Variants in TEAD4 observed in about 807,000 individuals in gnomAD.
The protein encoded by TEAD4 is TEA domain transcription factor 4, also known as transcriptional enhancer factor TEF-3.
In TEAD4, 36 loss-of-function variants were observed where a neutral mutation model predicts 52.4. That is an observed-to-expected ratio of 0.69 (90% confidence interval 0.53 to 0.91). The LOEUF is 0.91. Among genes scored for constraint, TEAD4 ranks in the 40% least tolerant of loss-of-function variants. The probability of loss-of-function intolerance (pLI) is 0.00; values close to 1 mark genes in which losing one functional copy is unlikely to be tolerated. For synonymous variants in TEAD4, 220 were observed against 231.0 expected (o/e 0.95, Z 0.43); for missense variants, 508 against 583.9 (o/e 0.87, Z 1.34).
chr12:2,978,126 C>T (rs375914822), intron 2 of TEAD4, among the ~76,000 whole-genome samples: 6 of 152,114 alleles, frequency 3.9e-5, no homozygotes, highest in African/African-American at 1.2e-4. Flanking sequence ...TCCTGTATTT[C>T]GGGCCCAGGT....
At chr12:2,961,206 C>T (rs1223603729) in intron 2 of TEAD4, among the ~76,000 whole-genome samples, 1 of 152,032 alleles carries the variant, frequency 6.6e-6, no homozygotes, top group Non-Finnish European at 1.5e-5. Context: ...GGAGGTATAC[C>T]AGCCTGAACT....
At position 3,021,862 on chromosome 12, in the gene TEAD4, G is replaced by C; in HGVS notation, c.742G>C (p.Val248Leu). ...TCCACAGTACAACAAGCACCTGTTCGTGCACATTGGCCAGTCCAGCCCAAG... is the reference window on the plus strand; with the variant it reads ...TCCACAGTACAACAAGCACCTGTTCCTGCACATTGGCCAGTCCAGCCCAAG... The change falls in exon 10 of 13, where the codon GTG (valine) becomes CTG (leucine). Residue 248 changes from valine (V) to leucine (L), a missense_variant. By Grantham distance (32) the Val-to-Leu change is conservative (BLOSUM62 1). Transcript: ENST00000359864. 6.2e-7 allele frequency: 1 copy of C among 1,614,170 alleles called. No homozygotes were observed. Among genetic ancestry groups the C allele is most frequent in the Non-Finnish European group, 8.5e-7 (1 of 1,180,020 alleles).
At chr12:3,026,792 G>A (rs1281753659) in intron 10 of TEAD4, among the ~76,000 whole-genome samples, 1 of 152,120 alleles carries the variant, frequency 6.6e-6, no homozygotes, top group Non-Finnish European at 1.5e-5. Flanking sequence ...ACAGTTAAGG[G>A]TGAATTAGAT....
intron 3 of TEAD4, among the ~76,000 whole-genome samples, chr12:3,001,708 C>T (rs1022029191): frequency 6.6e-6 from 1 of 150,974 alleles, no homozygotes; most frequent in Non-Finnish European, 1.5e-5. Context: ...ACCCGGGAGG[C>T]GGAGGTTTCA....
At chr12:2,997,126 T>C (rs1236201835) in intron 3 of TEAD4, among the ~76,000 whole-genome samples, 1 of 152,184 alleles carries the variant, frequency 6.6e-6, no homozygotes, top group African/African-American at 2.4e-5. Context: ...TTGTGGCTCA[T>C]GAGCATGCCT....
At chr12:2,964,019 G>A (rs930771463) in intron 2 of TEAD4, among the ~76,000 whole-genome samples, 7 of 152,092 alleles carry the variant, frequency 4.6e-5, no homozygotes, top group African/African-American at 1.4e-4. Flanking sequence ...CTGGGGGATG[G>A]GATTGCATAT....
At chr12:2,965,878 C>T (rs1465301981) in intron 2 of TEAD4, among the ~76,000 whole-genome samples, 2 of 152,008 alleles carry the variant, frequency 1.3e-5, no homozygotes, top group South Asian at 2.1e-4. Flanking sequence ...TTATTATTAT[C>T]GTAGACAGTG....
intron 3 of TEAD4, among the ~76,000 whole-genome samples, chr12:3,009,166 G>A (rs553909660): frequency 5.9e-5 from 9 of 152,346 alleles, no homozygotes; most frequent in African/African-American, 1.9e-4. Context: ...AGTGGCTCAC[G>A]CCTGTAATCC....
intron 2 of TEAD4, among the ~76,000 whole-genome samples, chr12:2,985,352 T>G (rs1328611994): frequency 2.0e-5 from 3 of 151,350 alleles, no homozygotes; most frequent in African/African-American, 7.3e-5. Flanking sequence ...GCCACTGTAC[T>G]CCAGCCTGGG....
chr12:3,022,613 G>T (rs1195128258), intron 10 of TEAD4, among the ~76,000 whole-genome samples: 1 of 152,192 alleles, frequency 6.6e-6, no homozygotes, highest in African/African-American at 2.4e-5. Context: ...CCCCGGGCAG[G>T]TATTTTGTGG....
intron 2 of TEAD4, among the ~76,000 whole-genome samples, chr12:2,969,085 C>A (rs1388503108): frequency 2.0e-5 from 3 of 152,200 alleles, no homozygotes; most frequent in African/African-American, 7.2e-5. Context: ...GACCTGAAGT[C>A]TATTACTTCA....
rs1413029063 is a variant in TEAD4 at position 2,992,082 on chromosome 12, C to T, written c.-29-2656C>T. 4.1e-5 allele frequency among the ~76,000 whole-genome samples: 6 copies of T among 146,046 alleles called. No homozygotes were observed. In the East Asian group the frequency reaches 1.2e-3, roughly 30 times the overall value. Reference sequence around the variant, plus strand: ...CGCCCAGGCTGGAATGTAGTGGCACCATCTTGGCCCACTGCAACCTCTGCC... The same window carrying T: ...CGCCCAGGCTGGAATGTAGTGGCACTATCTTGGCCCACTGCAACCTCTGCC... On this transcript the variant is annotated intron_variant, in intron 2 of 12. Coordinates refer to ENST00000359864, the MANE Select transcript of TEAD4 (RefSeq NM_003213.4).
chr12:2,965,645 G>A (rs906337035), intron 2 of TEAD4, among the ~76,000 whole-genome samples: 6 of 151,992 alleles, frequency 3.9e-5, no homozygotes, highest in African/African-American at 9.7e-5. Context: ...TCCGCCTCCC[G>A]GGTTCACTCC....
At chr12:2,962,171 C>CAGTA (rs1012036484) in intron 2 of TEAD4, among the ~76,000 whole-genome samples, 74 of 149,292 alleles carry the variant, frequency 5.0e-4, no homozygotes, top group African/African-American at 1.6e-3. Flanking sequence ...GTCGCCTAGG[C>CAGTA]AGTAGTACAG....
chr12:3,030,801 T>C (rs2098275008), intron 10 of TEAD4, among the ~76,000 whole-genome samples: 1 of 152,170 alleles, frequency 6.6e-6, no homozygotes, highest in African/African-American at 2.4e-5. Flanking sequence ...GAGAAGGCTC[T>C]AGCAGGGAGG....
intron 10 of TEAD4, among the ~76,000 whole-genome samples, chr12:3,032,672 C>G (rs2098276455): frequency 1.3e-5 from 2 of 152,202 alleles, no homozygotes; most frequent in Admixed American, 6.5e-5. Flanking sequence ...GAGTGGGGGG[C>G]TGTGGCCTGC....
At chr12:2,964,486 T>G (rs1387795000) in intron 2 of TEAD4, among the ~76,000 whole-genome samples, 3 of 151,468 alleles carry the variant, frequency 2.0e-5, no homozygotes, top group Non-Finnish European at 4.4e-5. Flanking sequence ...AGACGGAGTT[T>G]TGCTTTTGTT....
intron 2 of TEAD4, among the ~76,000 whole-genome samples, chr12:2,961,259 C>T (rs74057726): frequency 0.071 from 10,785 of 152,180 alleles, 1,297 homozygotes; most frequent in African/African-American, 0.24. Context: ...CCAGGTAACC[C>T]AGTAGAAGAA....
At chr12:2,977,442 T>TC (rs551362347) in intron 2 of TEAD4, among the ~76,000 whole-genome samples, 2 of 152,160 alleles carry the variant, frequency 1.3e-5, no homozygotes, top group Admixed American at 6.5e-5. Flanking sequence ...TTGTGGGGCC[T>TC]CCCCCCCTCT....
Sources: gnomAD v4.1 joint callset for allele counts (sites outside exome capture counted in the v4.1 genomes callset) on GRCh38, gnomAD v4.1.1 for gene constraint, MANE v1.5 for transcripts, NCBI Gene and HGNC (gene_info 2026-07-23, HGNC 2026-07-21) for gene names.